The following THSD7A variants were observed in gnomAD, a reference collection of about 807,000 sequenced individuals.
THSD7A encodes thrombospondin type 1 domain containing 7A.
Under a neutral mutation model 231.3 loss-of-function variants are expected in THSD7A, and 96 were observed. The ratio of observed to expected loss-of-function variants is 0.41; its 90% CI spans 0.35 to 0.49. THSD7A has a LOEUF of 0.49. Among genes scored for constraint, THSD7A ranks in the 20% least tolerant of loss-of-function variants. THSD7A has a pLI of 0.05. For synonymous variants in THSD7A, 940 were observed against 743.3 expected (o/e 1.26, Z -4.30); for missense variants, 2,290 against 2,070.2 (o/e 1.11, Z -2.06).
chr7:11,656,377 C>A (rs1199573023), intron 1 of THSD7A, among the ~76,000 whole-genome samples: 2 of 151,828 alleles, frequency 1.3e-5, no homozygotes, highest in African/African-American at 2.4e-5. Context: ...GCATTCACTA[C>A]CAAATGCTCA....
chr7:11,411,421 C>T lies in THSD7A; in HGVS notation c.3683-99G>A, dbSNP rs934478428. The T allele has an allele frequency of 5.3e-6, 4 of 755,666 alleles. No individual in the cohort carries two copies. Among genetic ancestry groups the T allele is most frequent in the African/African-American group, 3.5e-5 (2 of 57,240 alleles). 46.8% of individuals were successfully genotyped at this position (755,666 alleles called of 1,614,324 possible). On this transcript the variant is annotated intron_variant, in intron 18 of 27. Coordinates refer to ENST00000423059, the MANE Select transcript of THSD7A (RefSeq NM_015204.3). The surrounding 1 kb of genome is among the most constrained non-coding windows in gnomAD (Gnocchi z 4.1). Reference sequence around the variant, plus strand: ...GAATCCCATATTTAATTCACAACTGCTTCCTAAGCCCCATAATCAATCATC... The same window carrying T: ...GAATCCCATATTTAATTCACAACTGTTTCCTAAGCCCCATAATCAATCATC...
intron 19 of THSD7A, among the ~76,000 whole-genome samples, chr7:11,408,026 C>G (rs1479600419): frequency 6.6e-6 from 1 of 152,120 alleles, no homozygotes; most frequent in Non-Finnish European, 1.5e-5. Context: ...ACTTCTAAAA[C>G]TTAACTGTGG....
chr7:11,401,798 AACAT>A lies in THSD7A; in HGVS notation c.4404_4407del (p.Cys1469MetfsTer30). 6.2e-7 allele frequency: 1 copy of A among 1,612,580 alleles called. No individual in the cohort carries two copies. Among genetic ancestry groups the A allele is most frequent in the Non-Finnish European group, 8.5e-7 (1 of 1,179,324 alleles). On this transcript the variant is annotated frameshift_variant, in exon 23 of 28. Transcript: ENST00000423059. LOFTEE classifies it high-confidence loss of function. ...GTATATGAACGGTAGCACTCACCAT[AACAT>A]GATTTTGTTTCTAACATCTGCTCTG... is the stretch of plus-strand genomic sequence containing the variant.
chr7:11,417,595 T>G lies in THSD7A; in HGVS notation c.3392A>C (p.Gln1131Pro). The G allele has an allele frequency of 6.3e-7, 1 of 1,599,426 alleles. No individual in the cohort carries two copies. The highest frequency in any genetic ancestry group is 8.5e-7 in the Non-Finnish European group (1 of 1,176,274). The change falls in exon 17 of 28, where the codon CAG (glutamine) becomes CCG (proline). Residue 1131 changes from glutamine to proline, a missense_variant. By Grantham distance (76) the Gln-to-Pro change is moderately conservative. Coordinates refer to ENST00000423059, the MANE Select transcript of THSD7A (RefSeq NM_015204.3). ...GVQTRKVRCM[Q>P]NTADGPSEHV... Reference sequence around the variant, plus strand: ...TTCAGAAGGGCCATCTGCTGTATTCTGCATGCATCTAGAAAAGAACATAAA... The same window carrying G: ...TTCAGAAGGGCCATCTGCTGTATTCGGCATGCATCTAGAAAAGAACATAAA...
chr7:11,578,839 G>C (rs1044911323), intron 4 of THSD7A, among the ~76,000 whole-genome samples: 1 of 152,202 alleles, frequency 6.6e-6, no homozygotes, highest in East Asian at 1.9e-4. Context: ...GCTTAGCTTA[G>C]AGAGAGTTCT....
intron 13 of THSD7A, among the ~76,000 whole-genome samples, chr7:11,443,283 T>A (rs1784860986): frequency 6.6e-6 from 1 of 152,104 alleles, no homozygotes; most frequent in Non-Finnish European, 1.5e-5. Flanking sequence ...AACACATCTT[T>A]TAAGTGATCT....
In THSD7A at chr7:11,678,078, C is replaced by T. The variant is rs138880806; in HGVS notation, c.191-41117G>A. ...CAAAACTACATGGAAACTGAACAACCTGCTCCTGAATGACTACTGGGTAAA... is the reference window on the plus strand; with the variant it reads ...CAAAACTACATGGAAACTGAACAACTTGCTCCTGAATGACTACTGGGTAAA... On this transcript the variant is annotated intron_variant, in intron 1 of 27. Coordinates refer to ENST00000423059, the MANE Select transcript of THSD7A (RefSeq NM_015204.3). Among the ~76,000 whole-genome samples, 460 of 152,236 alleles carry T rather than the reference C, an allele frequency of 3.0e-3. 4 individuals are homozygous for T. The highest frequency in any genetic ancestry group is 0.01 in the African/African-American group (431 of 41,544).
intron 6 of THSD7A, among the ~76,000 whole-genome samples, chr7:11,523,754 G>A (rs10278662): frequency 0.25 from 37,349 of 151,826 alleles, 5,479 homozygotes; most frequent in African/African-American, 0.41. Context: ...TCTGTTGTAC[G>A]TAGTAATTAC....
chr7:11,643,043 A>T (rs552819204), intron 1 of THSD7A, among the ~76,000 whole-genome samples: 17 of 152,218 alleles, frequency 1.1e-4, no homozygotes, highest in African/African-American at 4.1e-4. Context: ...AAAGAGCCTT[A>T]TAAAAGATAA....
chr7:11,382,390 T>A, intron 24 of THSD7A, 131 bp downstream of exon 24: 1 of 724,328 alleles, frequency 1.4e-6, no homozygotes. Context: ...ATATACAGCT[T>A]AGGCATCCTG....
chr7:11,695,894 G>A (rs866064130), intron 1 of THSD7A, among the ~76,000 whole-genome samples: 1 of 151,518 alleles, frequency 6.6e-6, no homozygotes, highest in African/African-American at 2.4e-5. Flanking sequence ...TGAAGCGGAC[G>A]TGACTTAGGG....
intron 16 of THSD7A, among the ~76,000 whole-genome samples, chr7:11,423,692 C>T (rs1784227578): frequency 6.6e-6 from 1 of 151,814 alleles, no homozygotes; most frequent in Non-Finnish European, 1.5e-5. Context: ...TAAAAGAAAC[C>T]AGTGTATTTA....
chr7:11,586,359 G>A (rs1440224598), intron 4 of THSD7A, among the ~76,000 whole-genome samples: 2 of 151,716 alleles, frequency 1.3e-5, no homozygotes, highest in Non-Finnish European at 2.9e-5. Flanking sequence ...TAGCAAAATA[G>A]AAAGTAAAAA....
intron 1 of THSD7A, among the ~76,000 whole-genome samples, chr7:11,808,588 CT>C (rs1451156292): frequency 6.6e-6 from 1 of 152,146 alleles, no homozygotes; most frequent in Non-Finnish European, 1.5e-5. Context: ...TTAAAAGATA[CT>C]TTTTAAAAAT....
intron 23 of THSD7A, among the ~76,000 whole-genome samples, chr7:11,394,769 A>G (rs1783116029): frequency 6.6e-6 from 1 of 152,166 alleles, no homozygotes; most frequent in African/African-American, 2.4e-5. Flanking sequence ...AGCCAGGCAG[A>G]CGCCTAGCTG....
chr7:11,572,977 G>C (rs1311757983), intron 4 of THSD7A, among the ~76,000 whole-genome samples: 1 of 152,108 alleles, frequency 6.6e-6, no homozygotes, highest in Non-Finnish European at 1.5e-5. Context: ...AAGGTGTTAA[G>C]TTTTGTTCTG....
intron 1 of THSD7A, among the ~76,000 whole-genome samples, chr7:11,714,715 A>C (rs1781077946): frequency 6.6e-6 from 1 of 151,390 alleles, no homozygotes; most frequent in Non-Finnish European, 1.5e-5. Flanking sequence ...GAATATTTTC[A>C]GTTAATAGAA....
At chr7:11,571,261 T>A (rs1252785244) in intron 4 of THSD7A, among the ~76,000 whole-genome samples, 1 of 152,192 alleles carries the variant, frequency 6.6e-6, no homozygotes, top group African/African-American at 2.4e-5. Flanking sequence ...GTTCCACAGA[T>A]CCTTGATTTA....
chr7:11,417,643 C>T (rs1313219812), intron 16 of THSD7A, 40 bp from the exon 17 acceptor site: 4 of 1,575,754 alleles, frequency 2.5e-6, no homozygotes, highest in Admixed American at 1.9e-5. Context: ...AATATACATA[C>T]ATTCTAGAAG....
Sources: allele counts gnomAD v4.1 joint callset (sites outside exome capture counted in the v4.1 genomes callset), GRCh38; gene constraint gnomAD v4.1.1; non-coding constraint Gnocchi (gnomAD v3.1); transcripts MANE v1.5; gene names NCBI Gene and HGNC (gene_info 2026-07-23, HGNC 2026-07-21).